WDR5: variants seen among roughly 807,000 people sequenced by gnomAD.
WDR5 encodes WD repeat-containing protein 5.
For missense variants in WDR5, 187 were observed against 416.9 expected, an observed-to-expected ratio of 0.45 and a Z score of 4.80; for synonymous variants, 144 against 161.6, an observed-to-expected ratio of 0.89 and a Z score of 0.83.
At chr9:134,150,786 G>T (rs72766682) in intron 8 of WDR5, among the ~76,000 whole-genome samples, 8,004 of 152,148 alleles carry the variant, frequency 0.053, 232 homozygotes, top group Middle Eastern at 0.092. Flanking sequence ...CTGGAGTCTG[G>T]GCCTGGAACC....
At chr9:134,137,960 C>G (rs556610560) in intron 1 of WDR5, among the ~76,000 whole-genome samples, 1 of 152,264 alleles carries the variant, frequency 6.6e-6, no homozygotes, top group African/African-American at 2.4e-5. Context: ...TCAGGCTGGT[C>G]TTGAACTTCC....
At position 134,154,536 on chromosome 9, in the gene WDR5, G is replaced by A; in HGVS notation, c.702G>A (p.Leu234=). ...PNGKYILAAT[L]DNTLKLWDYS... The stretch of plus-strand genomic sequence containing the variant: ...GCAAATACATCCTGGCCGCCACGCT[G>A]GACAAGTGAGTACTGCGTGGGACTG... The change falls in exon 10 of 14, where the codon CTG becomes CTA. Residue 234 remains leucine (L), a synonymous_variant. Coordinates refer to ENST00000358625, the MANE Select transcript of WDR5 (RefSeq NM_017588.3). 6.2e-7 allele frequency: 1 copy of A among 1,614,188 alleles called. No individual in the cohort carries two copies. Among genetic ancestry groups the A allele is most frequent in the Non-Finnish European group, 8.5e-7 (1 of 1,180,032 alleles).
intron 3 of WDR5, 99 bp downstream of exon 3, chr9:134,140,910 G>A: frequency 8.4e-7 from 1 of 1,190,188 alleles, no homozygotes; most frequent in Non-Finnish European, 1.2e-6. Flanking sequence ...TACCGCTGGG[G>A]AGACGTAGCA....
intron 5 of WDR5, 24 bp downstream of exon 5, chr9:134,142,062 T>G: frequency 6.2e-7 from 1 of 1,609,646 alleles, no homozygotes; most frequent in Non-Finnish European, 8.5e-7. Context: ...AGTGCTTCTC[T>G]CCAGGGGAGA....
At chr9:134,148,136 CAGAGCG>C in intron 7 of WDR5, 146 bp from the exon 8 acceptor site, 2 of 576,094 alleles carry the variant, frequency 3.5e-6, no homozygotes, top group Admixed American at 3.5e-5. Context: ...GCCTGGGTGA[CAGAGCG>C]AGACTCTTTC....
rs758149336 is a variant in WDR5, at chr9:134,158,025, G to C, written c.*32G>C. 1 of 1,604,614 alleles carries C rather than the reference G, an allele frequency of 6.2e-7. No homozygotes were observed. The highest frequency in any genetic ancestry group is 8.5e-7 in the Non-Finnish European group (1 of 1,171,718). On this transcript the variant is annotated 3_prime_UTR_variant, in exon 14 of 14. Transcript: ENST00000358625. ...TTGCTCCTGCCCGCGAGAGACTGTC[G>C]GGAAGTTGACCCGGATTGGCAAGAA...
chr9:134,148,186 C>CTTTTT (rs34443303), intron 7 of WDR5, 102 bp from the exon 8 acceptor site: 6 of 285,760 alleles, frequency 2.1e-5, no homozygotes, highest in African/African-American at 7.8e-5. Flanking sequence ...ATAACTCAGT[C>CTTTTT]TTTTTTTTTT....
chr9:134,139,211 C>CCTCA (rs1353680738), intron 1 of WDR5, among the ~76,000 whole-genome samples: 1 of 152,170 alleles, frequency 6.6e-6, no homozygotes, highest in Non-Finnish European at 1.5e-5. Context: ...TTTTGTGGCT[C>CCTCA]CTCACTGAGT....
rs11556388 is a variant in WDR5, at chr9:134,159,283, G to A, written c.*1290G>A. On this transcript the variant is annotated 3_prime_UTR_variant, in exon 14 of 14. Transcript: ENST00000358625. The surrounding 1 kb of genome is among the most constrained non-coding windows in gnomAD (Gnocchi z 4.3). ...CGGAGCAGGGTGGCTGAGGGCACAG[G>A]TGCCTGGGTCTGTCCCACGGGGCAG... is the stretch of plus-strand genomic sequence containing the variant. 0.027 allele frequency: 4,069 copies of A among 152,780 alleles called. 98 individuals are homozygous for A. The highest frequency in any genetic ancestry group is 0.064 in the African/African-American group (2,656 of 41,562). The allele number at this position is 152,780 out of a possible 1,614,324, so 9.5% of individuals were successfully genotyped here.
In WDR5 at chr9:134,151,998, C is replaced by T. The variant is rs748739676; in HGVS notation, c.600C>T (p.Thr200=). Residue 200 remains threonine (T), a synonymous_variant, in exon 9 of 14, where the codon ACC becomes ACT. Transcript: ENST00000358625. ...TGCTTCGAAGTCGCATCTGGGACAC[C>T]GCCTCAGGCCAGTGCCTGAAGACGC... is the stretch of plus-strand genomic sequence containing the variant. ...SYDGLCRIWD[T]ASGQCLKTLI... The T allele has an allele frequency of 2.0e-5, 33 of 1,613,802 alleles. No homozygotes were observed. The South Asian group carries it at 2.9e-4, about 14-fold the overall frequency.
chr9:134,135,560 C>T (rs1831497132), upstream of WDR5: 1 of 152,228 alleles, frequency 6.6e-6, no homozygotes, highest in Non-Finnish European at 1.5e-5. Flanking sequence ...GGTTCCTGGT[C>T]TTCCAGATGG....
At chr9:134,146,239 CTTT>C (rs1278208507) in intron 7 of WDR5, among the ~76,000 whole-genome samples, 3 of 136,826 alleles carry the variant, frequency 2.2e-5, no homozygotes, top group Non-Finnish European at 3.2e-5. Flanking sequence ...AGTGCTGGGT[CTTT>C]TTTTTTTTTT....
At chr9:134,143,821 C>CT (rs1489429075) in intron 7 of WDR5, among the ~76,000 whole-genome samples, 1 of 144,016 alleles carries the variant, frequency 6.9e-6, no homozygotes, top group Non-Finnish European at 1.5e-5. Context: ...GGCCAAAACT[C>CT]TGTCTTTAAA....
intron 8 of WDR5, 32 bp downstream of exon 8, chr9:134,148,375 T>G (rs769226255): frequency 1.9e-6 from 3 of 1,596,150 alleles, no homozygotes; most frequent in Admixed American, 1.7e-5. Context: ...CATGAAGCGA[T>G]GAGTGCTTAA....
At chr9:134,136,414 C>A (rs534083805) in intron 1 of WDR5, among the ~76,000 whole-genome samples, 1 of 151,610 alleles carries the variant, frequency 6.6e-6, no homozygotes, top group African/African-American at 2.4e-5. Flanking sequence ...CCACCCGGTC[C>A]GCCCCCACTC....
At position 134,142,318 on chromosome 9, in the gene WDR5, A is replaced by T. The variant is rs747030956; in HGVS notation, c.355-15A>T. On this transcript the variant is annotated splice_polypyrimidine_tract_variant and intron_variant, in intron 5 of 13. Transcript: ENST00000358625. Reference sequence around the variant, plus strand: ...AAATAAGCACTGGAATAATCCTAATAATACTCTGTTATAGGGCAAGTGTCT... The same window carrying T: ...AAATAAGCACTGGAATAATCCTAATTATACTCTGTTATAGGGCAAGTGTCT... 1.5e-5 allele frequency: 24 copies of T among 1,610,548 alleles called. No individual in the cohort carries two copies. Among genetic ancestry groups the T allele is most frequent in the Middle Eastern group, 1.8e-4 (1 of 5,678 alleles).
intron 9 of WDR5, among the ~76,000 whole-genome samples, chr9:134,153,618 A>G (rs539206336): frequency 5.9e-5 from 9 of 152,304 alleles, no homozygotes; most frequent in African/African-American, 2.2e-4. Context: ...TTTTCAGTGT[A>G]TGTGACCGGG....
intron 7 of WDR5, among the ~76,000 whole-genome samples, chr9:134,146,269 C>T (rs1248624977): frequency 2.0e-5 from 3 of 150,404 alleles, no homozygotes; most frequent in African/African-American, 7.4e-5. Context: ...GGGTCTCACT[C>T]TGTTGCCCAA....
intron 2 of WDR5, among the ~76,000 whole-genome samples, chr9:134,140,319 T>C (rs897593835): frequency 2.6e-5 from 4 of 151,896 alleles, no homozygotes; most frequent in African/African-American, 9.7e-5. Flanking sequence ...AGGGCTTCAG[T>C]GTTCGGGGTC....
Sources: allele counts gnomAD v4.1 joint callset (sites outside exome capture counted in the v4.1 genomes callset), GRCh38; gene constraint gnomAD v4.1.1; non-coding constraint Gnocchi (gnomAD v3.1); transcripts MANE v1.5; gene names NCBI Gene and HGNC (gene_info 2026-07-23, HGNC 2026-07-21).